The following TCERG1L variants were observed in gnomAD, a reference collection of about 807,000 sequenced individuals.
TCERG1L encodes transcription elongation regulator 1 like.
A neutral mutation model predicts 56.3 loss-of-function variants in TCERG1L; 37 were observed. That is an observed-to-expected ratio of 0.66 (90% CI 0.51 to 0.87). The LOEUF (loss-of-function observed/expected upper bound fraction) is 0.87. TCERG1L is among the 40% of genes least tolerant of loss of function. TCERG1L has a pLI of 0.00. For synonymous variants in TCERG1L, 324 were observed against 326.3 expected (o/e 0.99, Z 0.08); for missense variants, 799 against 774.2 (o/e 1.03, Z -0.38).
chr10:131,188,648 T>C (rs1265451529), intron 4 of TCERG1L, among the ~76,000 whole-genome samples: 2 of 152,222 alleles, frequency 1.3e-5, no homozygotes, highest in Non-Finnish European at 2.9e-5. Context: ...TCAGTAATAC[T>C]GACTTGGGAT....
intron 3 of TCERG1L, among the ~76,000 whole-genome samples, chr10:131,283,460 G>C (rs1447007231): frequency 6.6e-6 from 1 of 152,158 alleles, no homozygotes; most frequent in African/African-American, 2.4e-5. Flanking sequence ...GAAGTTCCAA[G>C]TATTAAGAGG....
rs188131056 is a variant in TCERG1L, at chr10:131,311,195, G to A, written c.342+99C>T. On this transcript the variant is annotated intron_variant, in intron 1 of 11. Coordinates refer to ENST00000368642, the MANE Select transcript of TCERG1L (RefSeq NM_174937.4). This position sits in a 1 kb window ranked among gnomAD's most constrained non-coding sequence, Gnocchi z 4.0. ...TGGGGCGGCGAGGACCGCCGGGGAG[G>A]AGGGCGCGCGAGCCGGAGGCCAGAG... 25 of 982,264 alleles carry A rather than the reference G, an allele frequency of 2.5e-5. No individual in the cohort carries two copies. The African/African-American group carries it at 3.4e-4, about 14-fold the overall frequency. The allele number at this position is 982,264 out of a possible 1,614,324, so 60.8% of individuals were successfully genotyped here. A position where few individuals can be genotyped will look rare whatever the true frequency, so the allele number is the denominator to read the frequency against.
chr10:131,235,120 G>A (rs1845899839), intron 4 of TCERG1L, among the ~76,000 whole-genome samples: 1 of 152,230 alleles, frequency 6.6e-6, no homozygotes, highest in East Asian at 1.9e-4. Flanking sequence ...TGCAGGTGCA[G>A]GAGGGTCACT....
At chr10:131,253,918 G>A (rs1398296271) in intron 4 of TCERG1L, among the ~76,000 whole-genome samples, 2 of 152,304 alleles carry the variant, frequency 1.3e-5, no homozygotes, top group South Asian at 2.1e-4. Flanking sequence ...AGATAGGCCA[G>A]GAATTGACAC....
intron 4 of TCERG1L, among the ~76,000 whole-genome samples, chr10:131,176,715 CAG>C (rs1846156378): frequency 1.5e-5 from 1 of 65,856 alleles, no homozygotes; most frequent in African/African-American, 4.2e-5. Context: ...TGTACACCCA[CAG>C]AGATAGGCAC....
At chr10:131,214,965 G>A (rs1845654248) in intron 4 of TCERG1L, among the ~76,000 whole-genome samples, 1 of 152,148 alleles carries the variant, frequency 6.6e-6, no homozygotes, top group Non-Finnish European at 1.5e-5. Flanking sequence ...TGGCCGTGTC[G>A]GGGGCCCTGT....
At chr10:131,171,944 T>C (rs2133441579) in intron 4 of TCERG1L, among the ~76,000 whole-genome samples, 1 of 152,328 alleles carries the variant, frequency 6.6e-6, no homozygotes, top group East Asian at 1.9e-4. Flanking sequence ...CTCTAGGAAG[T>C]CAAAAGTGTC....
Position 131,309,834 on chromosome 10 carries a change from CAA to C in TCERG1L, c.343-537_343-536del, listed in dbSNP as rs58892586. Among the ~76,000 whole-genome samples, 147 of 49,844 alleles carry C rather than the reference CAA, an allele frequency of 2.9e-3. 1 individual carries two copies. Among genetic ancestry groups the C allele is most frequent in the African/African-American group, 6.1e-3 (72 of 11,762 alleles). The allele number at this position is 49,844 out of a possible 152,430, so 32.7% of individuals were successfully genotyped here. On this transcript the variant is annotated intron_variant, in intron 1 of 11. Transcript: ENST00000368642. Reference sequence around the variant, plus strand: ...TCACCAATACAAATAGATTCTATGGCAAAAAAAAAAAAAAAAAAAAAAAAACT... The same window carrying C: ...TCACCAATACAAATAGATTCTATGGCAAAAAAAAAAAAAAAAAAAAAAACT...
At chr10:131,149,197 T>C (rs1477731251) in intron 6 of TCERG1L, among the ~76,000 whole-genome samples, 3 of 151,972 alleles carry the variant, frequency 2.0e-5, no homozygotes, top group African/African-American at 7.2e-5. Flanking sequence ...AGATAGAGTG[T>C]ATCACACTCC....
At chr10:131,146,725 T>C in intron 6 of TCERG1L, 65 bp from the exon 7 acceptor site, 11 of 1,526,840 alleles carry the variant, frequency 7.2e-6, no homozygotes, top group Non-Finnish European at 9.7e-6. Context: ...GTCGTTAGCA[T>C]GAACTCTCAC....
chr10:131,304,488 G>A (rs561298003), intron 3 of TCERG1L, among the ~76,000 whole-genome samples: 1 of 152,008 alleles, frequency 6.6e-6, no homozygotes, highest in East Asian at 1.9e-4. Context: ...GTGGGGAGGT[G>A]TTGACAGAGA....
intron 4 of TCERG1L, among the ~76,000 whole-genome samples, chr10:131,196,387 T>C (rs7075041): frequency 0.38 from 57,808 of 151,958 alleles, 11,160 homozygotes; most frequent in East Asian, 0.49. Context: ...GTGGGCGTGT[T>C]GGTTCCTTCC....
At chr10:131,265,791 T>C (rs536215959) in intron 3 of TCERG1L, among the ~76,000 whole-genome samples, 10 of 152,268 alleles carry the variant, frequency 6.6e-5, no homozygotes, top group Non-Finnish European at 1.5e-4. Flanking sequence ...TGTAACTCTT[T>C]TGCCAGTGGA....
intron 4 of TCERG1L, among the ~76,000 whole-genome samples, chr10:131,228,194 C>T (rs370329388): frequency 1.9e-5 from 2 of 103,522 alleles, no homozygotes; most frequent in East Asian, 3.2e-4. Flanking sequence ...CAAGGCCTCA[C>T]GAGTCTCCCC....
intron 4 of TCERG1L, among the ~76,000 whole-genome samples, chr10:131,239,097 G>A (rs555234425): frequency 1.3e-5 from 2 of 152,364 alleles, no homozygotes; most frequent in East Asian, 1.9e-4. Context: ...ATTTGAGGCT[G>A]CTGAAGCCCA....
chr10:131,187,720 T>C (rs549059651), intron 4 of TCERG1L, among the ~76,000 whole-genome samples: 2 of 152,286 alleles, frequency 1.3e-5, no homozygotes, highest in South Asian at 2.1e-4. Context: ...ACTACAATAC[T>C]GCCCCCAAGA....
At chr10:131,121,288 G>A (rs116342112) in intron 8 of TCERG1L, among the ~76,000 whole-genome samples, 43 of 152,282 alleles carry the variant, frequency 2.8e-4, no homozygotes, top group African/African-American at 1.0e-3. Flanking sequence ...ATGAGGTCAA[G>A]GTGTTTCTGA....
chr10:131,268,809 A>G (rs893028116), intron 3 of TCERG1L, among the ~76,000 whole-genome samples: 9 of 152,204 alleles, frequency 5.9e-5, no homozygotes, highest in African/African-American at 1.2e-4. Flanking sequence ...CAGCCTTCAC[A>G]GAGTTGAAGA....
intron 4 of TCERG1L, among the ~76,000 whole-genome samples, chr10:131,231,027 CTG>C (rs1192764244): frequency 1.3e-5 from 2 of 150,840 alleles, no homozygotes; most frequent in East Asian, 1.9e-4. Flanking sequence ...CTATGAAAGA[CTG>C]AGATTTAGCC....
Sources: gnomAD v4.1 joint callset for allele counts (sites outside exome capture counted in the v4.1 genomes callset) on GRCh38, gnomAD v4.1.1 for gene constraint, Gnocchi (gnomAD v3.1) non-coding constraint, MANE v1.5 for transcripts, NCBI Gene and HGNC (gene_info 2026-07-23, HGNC 2026-07-21) for gene names.